The following CTBP1 variants were observed in gnomAD, a reference collection of about 807,000 sequenced individuals.
CTBP1 encodes the protein C-terminal-binding protein 1.
A neutral mutation model predicts 42.1 loss-of-function variants in CTBP1; 11 were observed. The ratio of observed to expected loss-of-function variants is 0.26; its 90% CI spans 0.16 to 0.43. The LOEUF is 0.43. Ranked by LOEUF, CTBP1 falls within the 20% of genes least tolerant of loss-of-function variation. CTBP1 has a pLI of 1.00. For missense variants in CTBP1, 399 were observed against 624.3 expected (o/e 0.64, Z 3.85); for synonymous variants, 324 against 277.1 (o/e 1.17, Z -1.68).
At chr4:1,250,297 A>G (rs1577093691), upstream of CTBP1, 4 of 238,510 alleles carry the variant, frequency 1.7e-5, no homozygotes, top group Non-Finnish European at 3.4e-5. Flanking sequence ...CCTGCGTGCC[A>G]CGTTCTGTTC....
Position 1,238,225 on chromosome 4 carries a change from C to A in CTBP1, c.120G>T (p.Val40=), listed in dbSNP as rs1383261127. The A allele has an allele frequency of 6.2e-7, 1 of 1,612,762 alleles. No homozygotes were observed. Among genetic ancestry groups the A allele is most frequent in the African/African-American group, 1.3e-5 (1 of 74,930 alleles). Residue 40 remains valine (V), a synonymous_variant, in exon 3 of 10, where the codon GTG becomes GTT. Coordinates refer to ENST00000382952, the MANE Select transcript of CTBP1 (RefSeq NM_001012614.2). The surrounding 1 kb of genome is among the most constrained non-coding windows in gnomAD (Gnocchi z 5.9). ...GCGTGGACTGCGCGTCGCAGAAGGC[C>A]ACAGTGGCCACGTCCTTCAGGATGG... ...EMPILKDVAT[V]AFCDAQSTQE...
At chr4:1,243,427 T>C in intron 1 of CTBP1, 1 of 985,350 alleles carries the variant, frequency 1.0e-6, no homozygotes, top group African/African-American at 1.7e-5. Flanking sequence ...CCACAGGGAC[T>C]TCCTGTGGTT....
Position 1,228,308 on chromosome 4 carries a change from G to A in CTBP1, c.198C>T (p.His66=). ...LNEAVGALMY[H]TITLTREDLE... ...GGTCCTCCCTGGTGAGAGTGATGGT[G>A]TGGTACATCAGGGCCCCCACAGCCT... is the stretch of plus-strand genomic sequence containing the variant. The change falls in exon 4 of 10, where the codon CAC becomes CAT. Residue 66 remains histidine (H), a synonymous_variant. Coordinates refer to ENST00000382952, the MANE Select transcript of CTBP1 (RefSeq NM_001012614.2). 1 of 1,614,142 alleles carries A rather than the reference G, an allele frequency of 6.2e-7. No individual in the cohort carries two copies. Among genetic ancestry groups the A allele is most frequent in the Non-Finnish European group, 8.5e-7 (1 of 1,179,984 alleles).
chr4:1,229,904 G>A (rs998073345), intron 3 of CTBP1, among the ~76,000 whole-genome samples: 1 of 152,218 alleles, frequency 6.6e-6, no homozygotes, highest in African/African-American at 2.4e-5. Context: ...CACAGCAGAG[G>A]CTGGGCAGCA....
intron 1 of CTBP1, chr4:1,242,592 G>A (rs1293015113): frequency 1.0e-6 from 1 of 985,310 alleles, no homozygotes; most frequent in Non-Finnish European, 1.2e-6. Flanking sequence ...CACAGGGGCT[G>A]GGGTGCAGCC....
intron 5 of CTBP1, chr4:1,218,629 G>A (rs1729404607): frequency 6.6e-6 from 1 of 152,186 alleles, no homozygotes. Context: ...ATAGCTTCTT[G>A]TACGGTTTTC....
rs768492475 is a variant in CTBP1 at position 1,238,094 on chromosome 4, C to A, written c.162+89G>T. ...GCTCCTGCCCCAGTGGCACCCAGACCTGCTGTGGCCCGGGCCTGCCGTGCT... is the reference window on the plus strand; with the variant it reads ...GCTCCTGCCCCAGTGGCACCCAGACATGCTGTGGCCCGGGCCTGCCGTGCT... On this transcript the variant is annotated intron_variant, in intron 3 of 9. Coordinates refer to ENST00000382952, the MANE Select transcript of CTBP1 (RefSeq NM_001012614.2). The surrounding 1 kb of genome is among the most constrained non-coding windows in gnomAD (Gnocchi z 5.9). 5.1e-6 allele frequency: 8 copies of A among 1,564,122 alleles called. No individual in the cohort carries two copies. The highest frequency in any genetic ancestry group is 7.0e-6 in the Non-Finnish European group (8 of 1,140,258).
chr4:1,214,602 G>A, intron 6 of CTBP1, 129 bp from the exon 7 acceptor site: 1 of 1,207,298 alleles, frequency 8.3e-7, no homozygotes, highest in Non-Finnish European at 1.1e-6. Context: ...CCCACCCTGG[G>A]CTCACCACGG....
chr4:1,244,893 G>A (rs1732559723), intron 1 of CTBP1: 1 of 985,322 alleles, frequency 1.0e-6, no homozygotes, highest in African/African-American at 1.7e-5. Context: ...AACGAAGGCT[G>A]TGCACAGCCT....
At chr4:1,244,745 G>A in intron 1 of CTBP1, 3 of 985,286 alleles carry the variant, frequency 3.0e-6, no homozygotes, top group South Asian at 4.7e-5. Context: ...GGCTCGAGTG[G>A]CCCTCTCGTG....
At chr4:1,247,921 A>C (rs1021989650) in intron 1 of CTBP1, among the ~76,000 whole-genome samples, 1 of 152,178 alleles carries the variant, frequency 6.6e-6, no homozygotes, top group African/African-American at 2.4e-5. Flanking sequence ...CTGGAAGGGA[A>C]TTCTGTCCCG....
intron 3 of CTBP1, among the ~76,000 whole-genome samples, chr4:1,230,182 C>A (rs1455757472): frequency 1.3e-5 from 2 of 151,974 alleles, no homozygotes; most frequent in African/African-American, 4.8e-5. Context: ...CGGGGTGAAC[C>A]CTGGTGTACC....
intron 5 of CTBP1, among the ~76,000 whole-genome samples, chr4:1,220,353 A>G (rs917477813): frequency 3.3e-5 from 5 of 152,222 alleles, no homozygotes; most frequent in Non-Finnish European, 7.3e-5. Context: ...CAAATGCCTA[A>G]CAATAAACTT....
chr4:1,213,590 A>G lies in CTBP1; in HGVS notation c.876T>C (p.Pro292=), dbSNP rs2108702447. ...AGATGAGGTTGGGTGCATCCTTCAG[A>G]GGGCCCTGGCTAAAGCTGGGAACAG... is the stretch of plus-strand genomic sequence containing the variant. ...ESEPFSFSQG[P]LKDAPNLICT... The change falls in exon 8 of 10, where the codon CCT becomes CCC. Residue 292 remains proline, a synonymous_variant. Coordinates refer to ENST00000382952, the MANE Select transcript of CTBP1 (RefSeq NM_001012614.2). 1 of 1,613,084 alleles carries G rather than the reference A, an allele frequency of 6.2e-7. No individual in the cohort carries two copies. The highest frequency in any genetic ancestry group is 1.1e-5 in the South Asian group (1 of 91,072).
At chr4:1,215,382 C>T (rs1728999153) in intron 6 of CTBP1, among the ~76,000 whole-genome samples, 1 of 152,238 alleles carries the variant, frequency 6.6e-6, no homozygotes, top group Non-Finnish European at 1.5e-5. Context: ...CACACTTGCC[C>T]ACACACATAC....
At chr4:1,224,299 G>A (rs1288263155) in intron 5 of CTBP1, among the ~76,000 whole-genome samples, 2 of 151,858 alleles carry the variant, frequency 1.3e-5, no homozygotes, top group African/African-American at 2.4e-5. Context: ...GTATGTCCCC[G>A]TGCGGCCCAT....
intron 4 of CTBP1, among the ~76,000 whole-genome samples, chr4:1,227,430 C>T (rs1487890139): frequency 6.9e-6 from 1 of 144,006 alleles, no homozygotes; most frequent in African/African-American, 2.6e-5. Context: ...GTGCGTGATC[C>T]GTGTGCTGAG....
In CTBP1 at chr4:1,215,987, G is replaced by A. The variant is rs767142473; in HGVS notation, c.729+4C>T. The A allele has an allele frequency of 2.5e-6, 4 of 1,606,960 alleles. No individual in the cohort carries two copies. Among genetic ancestry groups the A allele is most frequent in the East Asian group, 2.2e-5 (1 of 44,654 alleles). ...TAGAGTCCTGTGTCCCCGGCTCCAC[G>A]CACCTGCTTGACGGTGAAGTCGTTG... is the stretch of plus-strand genomic sequence containing the variant. On this transcript the variant is annotated splice_donor_region_variant and intron_variant, in intron 6 of 9. Coordinates refer to ENST00000382952, the MANE Select transcript of CTBP1 (RefSeq NM_001012614.2).
chr4:1,229,830 T>G (rs1209971973), intron 3 of CTBP1, among the ~76,000 whole-genome samples: 1 of 152,180 alleles, frequency 6.6e-6, no homozygotes, highest in Non-Finnish European at 1.5e-5. Flanking sequence ...ACAGCCTCCC[T>G]TCCCTCCTGC....
Sources: gnomAD v4.1 joint callset for allele counts (sites outside exome capture counted in the v4.1 genomes callset) on GRCh38, gnomAD v4.1.1 for gene constraint, Gnocchi (gnomAD v3.1) non-coding constraint, MANE v1.5 for transcripts, NCBI Gene and HGNC (gene_info 2026-07-23, HGNC 2026-07-21) for gene names.